Variants in NRG1 observed in about 807,000 individuals in gnomAD.
NRG1 encodes the protein pro-neuregulin-1, membrane-bound isoform.
NRG1 carries 18 observed loss-of-function variants against 63.8 expected under a neutral mutation model. That is an observed-to-expected ratio of 0.28 (90% CI 0.19 to 0.42). NRG1 has a LOEUF of 0.42. Ranked by LOEUF, NRG1 falls within the 10% of genes least tolerant of loss-of-function variation. NRG1 has a pLI of 1.00. For synonymous variants in NRG1, 302 were observed against 301.3 expected (o/e 1.00, Z -0.02); for missense variants, 762 against 814.7 (o/e 0.94, Z 0.79).
At chr8:32,055,486 A>T (rs1445494982) in intron 1 of NRG1, among the ~76,000 whole-genome samples, 3 of 152,106 alleles carry the variant, frequency 2.0e-5, no homozygotes, top group Admixed American at 1.3e-4. Context: ...ATGTAATTCC[A>T]TTGAAAATCT....
chr8:32,546,988 T>G (rs984500362), upstream of NRG1, among the ~76,000 whole-genome samples: 1 of 152,080 alleles, frequency 6.6e-6, no homozygotes, highest in Non-Finnish European at 1.5e-5. Context: ...CCCCAGAAAA[T>G]GGAAAACCAA....
chr8:32,441,784 C>A (rs370238750), intron 1 of NRG1, among the ~76,000 whole-genome samples: 5 of 152,060 alleles, frequency 3.3e-5, no homozygotes, highest in African/African-American at 4.8e-5. Context: ...GTAATGCTAA[C>A]AGTAGGTGCC....
intron 1 of NRG1, among the ~76,000 whole-genome samples, chr8:31,861,566 G>A (rs1036051475): frequency 1.3e-5 from 2 of 152,106 alleles, no homozygotes; most frequent in African/African-American, 2.4e-5. Flanking sequence ...TCACATAGGG[G>A]TCATCACAAC....
intron 1 of NRG1, among the ~76,000 whole-genome samples, chr8:32,264,176 C>T (rs1850672419): frequency 6.6e-6 from 1 of 152,044 alleles, no homozygotes; most frequent in Non-Finnish European, 1.5e-5. Context: ...CCACAAAAAA[C>T]TCCTGTATAA....
chr8:32,564,228 T>C (rs1407032893), intron 1 of NRG1, among the ~76,000 whole-genome samples: 1 of 152,212 alleles, frequency 6.6e-6, no homozygotes, highest in Non-Finnish European at 1.5e-5. Flanking sequence ...AAGAAAAGCT[T>C]TGTTTCTCAA....
intron 1 of NRG1, among the ~76,000 whole-genome samples, chr8:31,747,816 A>G (rs1250089774): frequency 6.6e-6 from 1 of 151,970 alleles, no homozygotes; most frequent in Non-Finnish European, 1.5e-5. Context: ...TCATCTTGAA[A>G]TGAGCTTGTC....
At chr8:32,531,323 GA>G (rs1466134173) in intron 1 of NRG1, among the ~76,000 whole-genome samples, 1 of 151,998 alleles carries the variant, frequency 6.6e-6, no homozygotes, top group Non-Finnish European at 1.5e-5. Context: ...CCTAATTAAG[GA>G]AAGTAAAATT....
At chr8:32,192,870 C>G (rs1842626850) in intron 1 of NRG1, among the ~76,000 whole-genome samples, 1 of 152,052 alleles carries the variant, frequency 6.6e-6, no homozygotes, top group African/African-American at 2.4e-5. Context: ...ACACACACTC[C>G]CATACACACA....
intron 5 of NRG1, among the ~76,000 whole-genome samples, chr8:32,660,188 T>C (rs1327130534): frequency 1.3e-5 from 2 of 152,224 alleles, no homozygotes; most frequent in African/African-American, 2.4e-5. Context: ...GAAATGCTCG[T>C]TGGAACATTT....
chr8:32,484,179 A>G (rs561417505), intron 1 of NRG1, among the ~76,000 whole-genome samples: 2 of 152,290 alleles, frequency 1.3e-5, no homozygotes, highest in Admixed American at 1.3e-4. Flanking sequence ...TAGGCAGGAA[A>G]TAGAACAAAA....
At chr8:31,972,387 A>C in intron 1 of NRG1, among the ~76,000 whole-genome samples, 1 of 152,102 alleles carries the variant, frequency 6.6e-6, no homozygotes, top group South Asian at 2.1e-4. Context: ...CAGGACTTTT[A>C]TCTCCATATG....
chr8:32,649,038 A>C (rs898041899), intron 5 of NRG1, among the ~76,000 whole-genome samples: 2 of 152,344 alleles, frequency 1.3e-5, no homozygotes, highest in African/African-American at 4.8e-5. Context: ...TATTTTGTCC[A>C]GGACACAGTA....
intron 1 of NRG1, among the ~76,000 whole-genome samples, chr8:32,098,135 A>ATCAT (rs1421743724): frequency 2.5e-5 from 2 of 81,060 alleles, no homozygotes; most frequent in East Asian, 5.4e-4. Flanking sequence ...GGAAGAAACC[A>ATCAT]AGAGGGCCTG....
chr8:31,677,718 T>C (rs573808902), intron 1 of NRG1, among the ~76,000 whole-genome samples: 3 of 152,340 alleles, frequency 2.0e-5, no homozygotes, highest in African/African-American at 7.2e-5. Context: ...TGAGTCTTTA[T>C]GTAACTTTGA....
chr8:32,640,975 A>G (rs1042559621), intron 5 of NRG1, among the ~76,000 whole-genome samples: 2 of 151,354 alleles, frequency 1.3e-5, no homozygotes, highest in Non-Finnish European at 2.9e-5. Context: ...AATAATAATA[A>G]TAATAGTTCA....
chr8:32,646,600 G>A (rs1342432206), intron 5 of NRG1: 5 of 807,906 alleles, frequency 6.2e-6, no homozygotes, highest in Non-Finnish European at 7.5e-6. Context: ...TCGATCGCTG[G>A]CTTTCTCTGA....
chr8:32,709,085 C>T (rs993229244), intron 5 of NRG1, among the ~76,000 whole-genome samples: 1 of 152,264 alleles, frequency 6.6e-6, no homozygotes, highest in Non-Finnish European at 1.5e-5. Flanking sequence ...CAAAGCTTTT[C>T]TCAAGGACAT....
intron 1 of NRG1, among the ~76,000 whole-genome samples, chr8:32,055,876 T>A (rs1273951364): frequency 2.0e-5 from 3 of 152,228 alleles, no homozygotes; most frequent in Admixed American, 1.3e-4. Context: ...GGGTGAGAAC[T>A]GTGTCTTTGC....
At chr8:32,633,062 A>G (rs1850639512) in intron 5 of NRG1, among the ~76,000 whole-genome samples, 1 of 152,038 alleles carries the variant, frequency 6.6e-6, no homozygotes, top group Admixed American at 6.6e-5. Flanking sequence ...CTACTTTTTT[A>G]TGCTGATATT....
Sources: gnomAD v4.1 joint callset for allele counts (sites outside exome capture counted in the v4.1 genomes callset) on GRCh38, gnomAD v4.1.1 for gene constraint, MANE v1.5 for transcripts, NCBI Gene and HGNC (gene_info 2026-07-23, HGNC 2026-07-21) for gene names.